Variants in NLGN1 observed in about 807,000 individuals in gnomAD.
NLGN1 encodes the protein neuroligin 1.
In NLGN1, 12 loss-of-function variants were observed where a neutral mutation model predicts 65.5. That is an observed-to-expected ratio of 0.18 (90% CI 0.12 to 0.30). NLGN1 has a LOEUF of 0.30. NLGN1 is among the 10% of genes least tolerant of loss of function. The pLI is 1.00. For synonymous variants in NLGN1, 350 were observed against 359.5 expected (o/e 0.97, Z 0.30); for missense variants, 750 against 1,007.1 (o/e 0.74, Z 3.46).
chr3:174,127,949 CTGT>C (rs1191085316), intron 4 of NLGN1, among the ~76,000 whole-genome samples: 1 of 152,098 alleles, frequency 6.6e-6, no homozygotes, highest in Non-Finnish European at 1.5e-5. Flanking sequence ...GTACAAAAAG[CTGT>C]GTACAGAAGC....
intron 4 of NLGN1, among the ~76,000 whole-genome samples, chr3:173,901,232 G>A (rs916677840): frequency 6.6e-5 from 10 of 151,900 alleles, no homozygotes; most frequent in African/African-American, 2.4e-4. Flanking sequence ...TCCTTAATAT[G>A]TGCATGTGCG....
intron 4 of NLGN1, among the ~76,000 whole-genome samples, chr3:173,915,912 T>A (rs1740640655): frequency 6.6e-6 from 1 of 152,208 alleles, no homozygotes; most frequent in Non-Finnish European, 1.5e-5. Context: ...ATTTTTATTT[T>A]TTTAGATTAT....
intron 4 of NLGN1, among the ~76,000 whole-genome samples, chr3:173,833,215 A>G (rs975795058): frequency 3.9e-5 from 6 of 152,142 alleles, no homozygotes; most frequent in Non-Finnish European, 7.4e-5. Context: ...TCTCAATAAC[A>G]TATGCGAGTG....
At chr3:173,953,883 G>T (rs1748696906) in intron 4 of NLGN1, among the ~76,000 whole-genome samples, 1 of 152,012 alleles carries the variant, frequency 6.6e-6, no homozygotes, top group African/African-American at 2.4e-5. Flanking sequence ...AATTGCTAAT[G>T]GTCCCCCATT....
intron 3 of NLGN1, among the ~76,000 whole-genome samples, chr3:173,790,103 G>A (rs1219906085): frequency 2.0e-5 from 3 of 151,894 alleles, no homozygotes; most frequent in Non-Finnish European, 4.4e-5. Flanking sequence ...CTTATGCCAT[G>A]TAATAAAAGA....
intron 2 of NLGN1, among the ~76,000 whole-genome samples, chr3:173,482,184 A>T (rs1358338842): frequency 6.6e-6 from 1 of 151,876 alleles, no homozygotes; most frequent in Non-Finnish European, 1.5e-5. Context: ...ATATATGGAA[A>T]TGCCTTTCTC....
At chr3:173,649,853 A>G (rs962747696) in intron 3 of NLGN1, among the ~76,000 whole-genome samples, 3 of 152,118 alleles carry the variant, frequency 2.0e-5, no homozygotes, top group African/African-American at 7.2e-5. Context: ...ACTGTGTTCA[A>G]ATTACTTGAG....
At chr3:173,650,514 T>C (rs536829626) in intron 3 of NLGN1, among the ~76,000 whole-genome samples, 41 of 152,288 alleles carry the variant, frequency 2.7e-4, no homozygotes, top group African/African-American at 9.1e-4. Flanking sequence ...ATTGTCAAAC[T>C]TTAAAGTTTG....
rs200212547 is a variant in NLGN1 at position 173,818,895 on chromosome 3, C to CTTTTTTTTTTTTTTTTTTTTTTTTT, written c.646+11079_646+11080insTTTTTTTTTTTTTTTTTTTTTTTTT. Among the ~76,000 whole-genome samples, 26 of 92,382 alleles carry CTTTTTTTTTTTTTTTTTTTTTTTTT rather than the reference C, an allele frequency of 2.8e-4. 5 individuals carry two copies. The highest frequency in any genetic ancestry group is 9.9e-4 in the African/African-American group (21 of 21,220). 60.6% of individuals were successfully genotyped at this position (92,382 alleles called of 152,430 possible). A position where few individuals can be genotyped will look rare whatever the true frequency, so the allele number is the denominator to read the frequency against. On this transcript the variant is annotated intron_variant, in intron 4 of 6. Transcript: ENST00000457714. ...AATTTTGTTCTGCCTTTGAATAGTT[C>CTTTTTTTTTTTTTTTTTTTTTTTTT]TTTTTTTTTTTTTTTTCCAGTAAGG...
At chr3:173,451,635 TTGTC>T (rs1219991587) in intron 2 of NLGN1, among the ~76,000 whole-genome samples, 1 of 152,154 alleles carries the variant, frequency 6.6e-6, no homozygotes, top group Non-Finnish European at 1.5e-5. Context: ...CGTCTTTTGT[TTGTC>T]TGTGCCCTGC....
At chr3:174,047,181 A>G (rs1223631579) in intron 4 of NLGN1, among the ~76,000 whole-genome samples, 3 of 151,994 alleles carry the variant, frequency 2.0e-5, no homozygotes, top group Non-Finnish European at 4.4e-5. Context: ...ATAATTCACC[A>G]TGAATTTATC....
chr3:174,189,856 G>C (rs1732065348), intron 4 of NLGN1, among the ~76,000 whole-genome samples: 1 of 152,018 alleles, frequency 6.6e-6, no homozygotes, highest in African/African-American at 2.4e-5. Flanking sequence ...CTTAACAAAT[G>C]AGGGAATAAG....
chr3:174,014,788 C>G (rs187487053), intron 4 of NLGN1, among the ~76,000 whole-genome samples: 1 of 152,112 alleles, frequency 6.6e-6, no homozygotes, highest in Admixed American at 6.6e-5. Flanking sequence ...GTAAAAGGAA[C>G]GTAGTAACCT....
intron 2 of NLGN1, among the ~76,000 whole-genome samples, chr3:173,539,935 G>A (rs749947658): frequency 1.4e-4 from 20 of 144,972 alleles, no homozygotes; most frequent in East Asian, 7.9e-4. Context: ...GTGTGTGTGT[G>A]TGTGTATATA....
At chr3:173,702,071 C>G (rs1003994647) in intron 3 of NLGN1, among the ~76,000 whole-genome samples, 1 of 151,502 alleles carries the variant, frequency 6.6e-6, no homozygotes, top group East Asian at 1.9e-4. Context: ...AACCCCGTCT[C>G]TACTAAAAAT....
intron 4 of NLGN1, among the ~76,000 whole-genome samples, chr3:174,274,898 T>TAAC (rs1048442760): frequency 6.6e-6 from 1 of 151,840 alleles, no homozygotes; most frequent in African/African-American, 2.4e-5. Flanking sequence ...CATACATACC[T>TAAC]AACATTCCAA....
intron 2 of NLGN1, among the ~76,000 whole-genome samples, chr3:173,591,736 C>G (rs1748519602): frequency 6.6e-6 from 1 of 152,108 alleles, no homozygotes. Flanking sequence ...GGCAATTTTC[C>G]ACTCTTCCCA....
chr3:174,105,991 A>G (rs73880347), intron 4 of NLGN1, among the ~76,000 whole-genome samples: 3,508 of 152,230 alleles, frequency 0.023, 153 homozygotes, highest in African/African-American at 0.078. Flanking sequence ...AGTAATTACC[A>G]TCAATTGAGA....
At chr3:174,277,844 C>T (rs1750871163) in intron 5 of NLGN1, among the ~76,000 whole-genome samples, 1 of 151,592 alleles carries the variant, frequency 6.6e-6, no homozygotes, top group African/African-American at 2.4e-5. Context: ...CTCATTAATA[C>T]ATATGAATAA....
Sources: allele counts gnomAD v4.1 joint callset (sites outside exome capture counted in the v4.1 genomes callset), GRCh38; gene constraint gnomAD v4.1.1; transcripts MANE v1.5; gene names NCBI Gene and HGNC (gene_info 2026-07-23, HGNC 2026-07-21).